The following UNC13C variants were observed in gnomAD, a reference collection of about 807,000 sequenced individuals.
UNC13C encodes protein unc-13 homolog C.
Under a neutral mutation model 245.4 loss-of-function variants are expected in UNC13C, and 174 were observed. That is an observed-to-expected ratio of 0.71 (90% CI 0.63 to 0.80). The LOEUF (loss-of-function observed/expected upper bound fraction) is 0.80, where lower values mean the gene tolerates loss of function less well. UNC13C is among the 30% of genes least tolerant of loss of function. UNC13C has a pLI of 0.00. For synonymous variants in UNC13C, 992 were observed against 895.1 expected (o/e 1.11, Z -1.93); for missense variants, 2,829 against 2,602.9 (o/e 1.09, Z -1.89).
intron 4 of UNC13C, among the ~76,000 whole-genome samples, chr15:54,196,419 G>T (rs1272539305): frequency 6.6e-6 from 1 of 151,884 alleles, no homozygotes. Context: ...GGGACTTTTG[G>T]ATCTATTCCA....
chr15:54,233,960 A>G (rs867115502), intron 4 of UNC13C, among the ~76,000 whole-genome samples: 28 of 152,340 alleles, frequency 1.8e-4, no homozygotes, highest in Middle Eastern at 3.4e-3. Flanking sequence ...GTTATATTAA[A>G]TGACTGGATT....
At chr15:54,553,580 G>A (rs73403821) in intron 28 of UNC13C, among the ~76,000 whole-genome samples, 5,489 of 146,576 alleles carry the variant, frequency 0.037, 312 homozygotes, top group African/African-American at 0.13. Context: ...ATAAAAAAAT[G>A]CATAAATCTT....
At chr15:54,229,529 A>G (rs1212183400) in intron 4 of UNC13C, among the ~76,000 whole-genome samples, 1 of 152,154 alleles carries the variant, frequency 6.6e-6, no homozygotes, top group East Asian at 1.9e-4. Context: ...GTACGTATTT[A>G]TCATGTACAG....
In UNC13C at chr15:54,015,703, G is replaced by C. The variant is rs776434061; in HGVS notation, c.2800G>C (p.Gly934Arg). 6 of 1,613,488 alleles carry C rather than the reference G, an allele frequency of 3.7e-6. No homozygotes were observed. In the African/African-American group the frequency reaches 8.0e-5, roughly 22 times the overall value. ...AGCAGATGATATGGTTAGTGAAGAG[G>C]GGTTAGAACCCTTAAATGAAACATC... ...GPADDMVSEEGLEPLNETSAE... is the reference protein window; with the variant it reads ...GPADDMVSEERLEPLNETSAE... Residue 934 changes from glycine to arginine, a missense_variant, in exon 2 of 33, where the codon GGG (glycine) becomes CGG (arginine). Gly to Arg is a moderately radical substitution (Grantham distance 125, BLOSUM62 -2). Transcript: ENST00000260323.
the UNC13C span, among the ~76,000 whole-genome samples, chr15:53,880,947 C>T: frequency 0.052 from 7,858 of 152,072 alleles, 268 homozygotes; most frequent in Middle Eastern, 0.14. Flanking sequence ...AGAAGCATAG[C>T]AAGAGAGAAA....
chr15:54,465,836 G>A (rs954139100), intron 19 of UNC13C, among the ~76,000 whole-genome samples: 2 of 152,138 alleles, frequency 1.3e-5, no homozygotes, highest in African/African-American at 2.4e-5. Flanking sequence ...TAAGGAGCAT[G>A]ATGTTGCATA....
At chr15:54,243,526 G>C (rs1170237303) in intron 7 of UNC13C, among the ~76,000 whole-genome samples, 4 of 152,104 alleles carry the variant, frequency 2.6e-5, no homozygotes, top group Non-Finnish European at 5.9e-5. Context: ...GGGTCAAGTG[G>C]TATTTCTGCC....
chr15:54,404,301 A>C (rs952745257), intron 18 of UNC13C, among the ~76,000 whole-genome samples: 20 of 152,200 alleles, frequency 1.3e-4, no homozygotes, highest in African/African-American at 4.8e-4. Flanking sequence ...ATTGTGACTG[A>C]TGAATCAGTA....
chr15:54,357,712 A>G (rs2039127762), intron 17 of UNC13C, among the ~76,000 whole-genome samples: 2 of 152,100 alleles, frequency 1.3e-5, no homozygotes, highest in South Asian at 4.1e-4. Flanking sequence ...TTACTGAGAA[A>G]TCCAGGGGAA....
chr15:54,430,154 A>G (rs1342443493), intron 19 of UNC13C, among the ~76,000 whole-genome samples: 2 of 151,688 alleles, frequency 1.3e-5, no homozygotes, highest in African/African-American at 2.4e-5. Flanking sequence ...AAAATTTCAG[A>G]TTCTATATTC....
chr15:53,856,392 A>T, the UNC13C span, among the ~76,000 whole-genome samples: 3 of 150,494 alleles, frequency 2.0e-5, no homozygotes, highest in East Asian at 5.9e-4. Context: ...GTTGTTGTTG[A>T]GATGTTATAT....
intron 17 of UNC13C, among the ~76,000 whole-genome samples, chr15:54,352,519 A>G (rs1157091363): frequency 6.6e-6 from 1 of 151,718 alleles, no homozygotes; most frequent in Non-Finnish European, 1.5e-5. Context: ...AAAGTCTCAT[A>G]TTTTGTAGCA....
intron 26 of UNC13C, among the ~76,000 whole-genome samples, chr15:54,538,039 A>C (rs551890301): frequency 4.0e-5 from 6 of 150,832 alleles, no homozygotes; most frequent in Admixed American, 1.3e-4. Flanking sequence ...GAGTAAACAG[A>C]CATCTTACAG....
chr15:54,455,165 C>CTCTCTCTCTCTCTCTCTCTCTCTCTCTA lies in UNC13C; in HGVS notation c.4934-39416_4934-39415insATCTCTCTCTCTCTCTCTCTCTCTCTCT, dbSNP rs1567288687. Among the ~76,000 whole-genome samples, 8 of 10,300 alleles carry CTCTCTCTCTCTCTCTCTCTCTCTCTCTA rather than the reference C, an allele frequency of 7.8e-4. 1 individual carries two copies. The highest frequency in any genetic ancestry group is 2.1e-3 in the African/African-American group (8 of 3,730). The allele number at this position is 10,300 out of a possible 152,430, so 6.8% of individuals were successfully genotyped here. The stretch of plus-strand genomic sequence containing the variant: ...TCCTTTCTATGGCTGAGTCATATTC[C>CTCTCTCTCTCTCTCTCTCTCTCTCTCTA]TCTCTCTCTCTCTCTCTCTCTCTCT... On this transcript the variant is annotated intron_variant, in intron 19 of 32. Coordinates refer to ENST00000260323, the MANE Select transcript of UNC13C (RefSeq NM_001080534.3).
intron 17 of UNC13C, among the ~76,000 whole-genome samples, chr15:54,338,894 T>G (rs2141005726): frequency 6.6e-6 from 1 of 152,248 alleles, no homozygotes; most frequent in Middle Eastern, 3.4e-3. Flanking sequence ...TGAGATGGAG[T>G]CTCACTCTGT....
intron 2 of UNC13C, among the ~76,000 whole-genome samples, chr15:54,023,626 A>T (rs1895989582): frequency 6.6e-6 from 1 of 152,170 alleles, no homozygotes; most frequent in South Asian, 2.1e-4. Flanking sequence ...ATATACAAAG[A>T]CCCATGAACA....
At chr15:54,458,983 T>C (rs895176424) in intron 19 of UNC13C, among the ~76,000 whole-genome samples, 3 of 152,138 alleles carry the variant, frequency 2.0e-5, no homozygotes, top group Non-Finnish European at 4.4e-5. Flanking sequence ...GTTATTGATT[T>C]ATAGGTCCTG....
At chr15:54,285,738 TAATAA>T (rs1441159548) in intron 10 of UNC13C, among the ~76,000 whole-genome samples, 1 of 152,104 alleles carries the variant, frequency 6.6e-6, no homozygotes, top group African/African-American at 2.4e-5. Flanking sequence ...AAAATATAAA[TAATAA>T]AATAACATTT....
chr15:53,951,815 C>A, the UNC13C span, among the ~76,000 whole-genome samples: 1 of 152,144 alleles, frequency 6.6e-6, no homozygotes. Flanking sequence ...AACCTTTCCT[C>A]CTAGGACATT....
Sources: gnomAD v4.1 joint callset for allele counts (sites outside exome capture counted in the v4.1 genomes callset) on GRCh38, gnomAD v4.1.1 for gene constraint, MANE v1.5 for transcripts, NCBI Gene and HGNC (gene_info 2026-07-23, HGNC 2026-07-21) for gene names.